TIMM9: variants seen among roughly 807,000 people sequenced by gnomAD.
TIMM9 encodes the protein translocase of inner mitochondrial membrane 9, also known as mitochondrial import inner membrane translocase subunit Tim9.
A neutral mutation model predicts 13.4 loss-of-function variants in TIMM9; 10 were observed. The observed-to-expected ratio is 0.75, with a 90% CI of 0.46 to 1.26. TIMM9 has a LOEUF of 1.26. TIMM9 is among the 50% of genes most tolerant of loss of function. The pLI is 0.00. For missense variants in TIMM9, 87 were observed against 100.8 expected (o/e 0.86, Z 0.58); for synonymous variants, 32 against 32.1 (o/e 1.00, Z 0.01).
At chr14:58,422,781 A>G (rs2036626219) in intron 3 of TIMM9, among the ~76,000 whole-genome samples, 1 of 151,804 alleles carries the variant, frequency 6.6e-6, no homozygotes, top group Non-Finnish European at 1.5e-5. Context: ...TGTGTATTTT[A>G]TTTATTTATT....
rs67147520 is a variant in TIMM9, at chr14:58,419,451, TCACACACACACACACACACACA to T, written c.-27+4535_-27+4556del. ...GTCTGGAAAATAGAGTGAGACCCCGTCACACACACACACACACACACACACACACACACACACACACACACAC... is the reference window on the plus strand; with the variant it reads ...GTCTGGAAAATAGAGTGAGACCCCGTCACACACACACACACACACACACAC... On this transcript the variant is annotated intron_variant, in intron 3 of 5. Transcript: ENST00000395159. Among the ~76,000 whole-genome samples, 103 of 112,924 alleles carry T rather than the reference TCACACACACACACACACACACA, an allele frequency of 9.1e-4. No homozygotes were observed. In the East Asian group the frequency reaches 0.013, roughly 14 times the overall value. 74.1% of individuals were successfully genotyped at this position (112,924 alleles called of 152,430 possible).
chr14:58,419,219 CAAG>C (rs2036508480), intron 3 of TIMM9, among the ~76,000 whole-genome samples: 1 of 151,912 alleles, frequency 6.6e-6, no homozygotes, highest in African/African-American at 2.4e-5. Flanking sequence ...TTTGGGAGGC[CAAG>C]AAGGGAGAAT....
chr14:58,416,855 C>T (rs1455446493), intron 3 of TIMM9, among the ~76,000 whole-genome samples: 2 of 152,124 alleles, frequency 1.3e-5, no homozygotes, highest in East Asian at 1.9e-4. Flanking sequence ...TGCCTGTAAT[C>T]TCAGCACTTT....
At chr14:58,416,948 A>G (rs180726305) in intron 3 of TIMM9, among the ~76,000 whole-genome samples, 1 of 152,138 alleles carries the variant, frequency 6.6e-6, no homozygotes. Flanking sequence ...TCCCCACCCA[A>G]ATCTCATCTT....
chr14:58,426,365 C>A (rs1385188785), intron 2 of TIMM9, among the ~76,000 whole-genome samples: 1 of 151,656 alleles, frequency 6.6e-6, no homozygotes, highest in Non-Finnish European at 1.5e-5. Flanking sequence ...GCCACCATGC[C>A]CAGTTAATTT....
At chr14:58,422,343 C>T (rs978544470) in intron 3 of TIMM9, among the ~76,000 whole-genome samples, 8 of 152,014 alleles carry the variant, frequency 5.3e-5, no homozygotes, top group African/African-American at 7.3e-5. Context: ...CTTAAACTCC[C>T]GACCTCAGGT....
intron 2 of TIMM9, among the ~76,000 whole-genome samples, 185 bp from the exon 3 acceptor site, chr14:58,424,280 T>C (rs1209397116): frequency 6.6e-6 from 1 of 152,228 alleles, no homozygotes; most frequent in Non-Finnish European, 1.5e-5. Flanking sequence ...TTAAAAAAAA[T>C]ACTTAATGTC....
chr14:58,422,288 T>C (rs1241937357), intron 3 of TIMM9, among the ~76,000 whole-genome samples: 5 of 152,152 alleles, frequency 3.3e-5, no homozygotes, highest in Non-Finnish European at 5.9e-5. Context: ...GCTAATTTTC[T>C]ATTTTTAGTA....
chr14:58,413,492 TCA>T (rs2036287813), intron 3 of TIMM9, among the ~76,000 whole-genome samples: 2 of 152,128 alleles, frequency 1.3e-5, no homozygotes. Flanking sequence ...AAAAGGGCAA[TCA>T]CAGAGACTAA....
chr14:58,427,497 C>T lies in TIMM9; in HGVS notation c.-409G>A. 8.2e-7 allele frequency: 1 copy of T among 1,220,392 alleles called. No individual in the cohort carries two copies. The highest frequency in any genetic ancestry group is 1.2e-6 in the Non-Finnish European group (1 of 868,504). The allele number at this position is 1,220,392 out of a possible 1,614,324, so 75.6% of individuals were successfully genotyped here. ...GGAGCTCTTCAAGTCTTGGATGAGA[C>T]TGTAGAGCGGTCTTGTGCGGCAATG... On this transcript the variant is annotated 5_prime_UTR_variant, in exon 1 of 6. Transcript: ENST00000395159.
chr14:58,425,009 G>A (rs2036691852), intron 2 of TIMM9, among the ~76,000 whole-genome samples: 6 of 152,088 alleles, frequency 3.9e-5, no homozygotes, highest in Admixed American at 3.9e-4. Flanking sequence ...CTAATCATGA[G>A]GGAATAATTA....
chr14:58,418,737 T>G (rs1264143052), intron 3 of TIMM9, among the ~76,000 whole-genome samples: 3 of 151,726 alleles, frequency 2.0e-5, no homozygotes, highest in African/African-American at 7.3e-5. Context: ...TAGGGGCAAA[T>G]CTAACAAAAC....
In TIMM9 at chr14:58,408,984, A is replaced by C; in HGVS notation, c.*50T>G. On this transcript the variant is annotated 3_prime_UTR_variant, in exon 6 of 6. Transcript: ENST00000395159. Reference sequence around the variant, plus strand: ...TATCAGATGAGTCCTCATTTCCAATAAAGCAGCTGTTGGCAATCTTTCATC... The same window carrying C: ...TATCAGATGAGTCCTCATTTCCAATCAAGCAGCTGTTGGCAATCTTTCATC... The C allele has an allele frequency of 6.3e-7, 1 of 1,586,908 alleles. No individual in the cohort carries two copies. Among genetic ancestry groups the C allele is most frequent in the Non-Finnish European group, 8.5e-7 (1 of 1,171,744 alleles).
At chr14:58,409,809 A>C (rs1006822821) in intron 5 of TIMM9, among the ~76,000 whole-genome samples, 1 of 151,542 alleles carries the variant, frequency 6.6e-6, no homozygotes, top group South Asian at 2.1e-4. Flanking sequence ...TGATCTCCTG[A>C]CCTCGTGATC....
At chr14:58,413,082 T>G (rs927843531) in intron 3 of TIMM9, among the ~76,000 whole-genome samples, 1 of 152,126 alleles carries the variant, frequency 6.6e-6, no homozygotes, top group African/African-American at 2.4e-5. Flanking sequence ...CAACATACAA[T>G]CACATAAAAA....
Position 58,408,821 on chromosome 14 carries a change from T to G in TIMM9, c.*213A>C. ...ATAAGGCCTCAACAAATGTTGCATC[T>G]TATTATTTCACTGAACAATAAGACC... On this transcript the variant is annotated 3_prime_UTR_variant, in exon 6 of 6. Transcript: ENST00000395159. The G allele has an allele frequency of 1.4e-6, 1 of 730,586 alleles. No individual in the cohort carries two copies. The highest frequency in any genetic ancestry group is 2.1e-6 in the Non-Finnish European group (1 of 467,012). The allele number at this position is 730,586 out of a possible 1,614,324, so 45.3% of individuals were successfully genotyped here. A position where few individuals can be genotyped will look rare whatever the true frequency, so the allele number is the denominator to read the frequency against.
intron 4 of TIMM9, 76 bp downstream of exon 4, chr14:58,411,831 C>T (rs2036229281): frequency 7.1e-7 from 1 of 1,403,592 alleles, no homozygotes; most frequent in East Asian, 2.3e-5. Flanking sequence ...GCCACTGCAC[C>T]CAGCCTGACA....
intron 3 of TIMM9, among the ~76,000 whole-genome samples, chr14:58,412,629 G>A (rs926227971): frequency 2.0e-5 from 3 of 152,136 alleles, no homozygotes; most frequent in Admixed American, 6.5e-5. Flanking sequence ...AGCTGGGTGT[G>A]GTGGCTCATG....
chr14:58,420,482 G>A (rs528250732), intron 3 of TIMM9, among the ~76,000 whole-genome samples: 16 of 152,282 alleles, frequency 1.1e-4, no homozygotes, highest in African/African-American at 3.8e-4. Flanking sequence ...TTAGCCATTA[G>A]GGAAATGCAA....
Sources: allele counts gnomAD v4.1 joint callset (sites outside exome capture counted in the v4.1 genomes callset), GRCh38; gene constraint gnomAD v4.1.1; transcripts MANE v1.5; gene names NCBI Gene and HGNC (gene_info 2026-07-23, HGNC 2026-07-21).